WASF1: variants seen among roughly 807,000 people sequenced by gnomAD.
WASF1 encodes WASP family member 1.
WASF1 carries 7 observed loss-of-function variants against 50.5 expected under a neutral mutation model. The observed-to-expected ratio is 0.14, with a 90% confidence interval of 0.08 to 0.26. The LOEUF (loss-of-function observed/expected upper bound fraction) is 0.26. Ranked by LOEUF, WASF1 falls within the 10% of genes least tolerant of loss-of-function variation. WASF1 has a pLI of 1.00. For missense variants in WASF1, 470 were observed against 694.7 expected (o/e 0.68, Z 3.64); for synonymous variants, 205 against 244.0 (o/e 0.84, Z 1.49).
intron 9 of WASF1, among the ~76,000 whole-genome samples, chr6:110,102,804 T>G (rs1773153285): frequency 6.6e-6 from 1 of 152,018 alleles, no homozygotes; most frequent in South Asian, 2.1e-4. Flanking sequence ...TTCCCTAATA[T>G]TTCTCTATTA....
At chr6:110,159,204 G>C (rs1023618736) in intron 3 of WASF1, among the ~76,000 whole-genome samples, 1 of 151,852 alleles carries the variant, frequency 6.6e-6, no homozygotes, top group South Asian at 2.1e-4. Flanking sequence ...AGGCAAATTC[G>C]GTAGATGCAA....
In WASF1 at chr6:110,168,411, G is replaced by A. The variant is rs1461342723; in HGVS notation, c.-126-7679C>T. 2.0e-5 allele frequency among the ~76,000 whole-genome samples: 3 copies of A among 152,192 alleles called. No individual in the cohort carries two copies. In the South Asian group the frequency reaches 6.2e-4, roughly 32 times the overall value. ...CATTTCCTTCTGTGATAGTGAAAAT[G>A]GTGATTTTTATGATGTTAACACTAC... On this transcript the variant is annotated intron_variant, in intron 2 of 10. Transcript: ENST00000392589.
intron 7 of WASF1, among the ~76,000 whole-genome samples, chr6:110,105,922 G>A (rs1048781735): frequency 6.6e-5 from 10 of 152,162 alleles, no homozygotes; most frequent in Non-Finnish European, 2.9e-5. Flanking sequence ...AAATTTCTAC[G>A]ATGAATGGCA....
intron 3 of WASF1, among the ~76,000 whole-genome samples, chr6:110,143,374 T>C (rs1268344100): frequency 1.3e-5 from 2 of 151,968 alleles, no homozygotes; most frequent in African/African-American, 2.4e-5. Context: ...ACTGCTAATA[T>C]TGATAATATA....
Position 110,114,490 on chromosome 6 carries a change from G to A in WASF1, c.134-1030C>T, listed in dbSNP as rs1217774311. On this transcript the variant is annotated intron_variant, in intron 4 of 10. Transcript: ENST00000392589. Reference sequence around the variant, plus strand: ...GACACAAAAACCTTGTACTTTTTGCGAATACCTTTTAATCTTGTATCAAAA... The same window carrying A: ...GACACAAAAACCTTGTACTTTTTGCAAATACCTTTTAATCTTGTATCAAAA... Among the ~76,000 whole-genome samples the A allele has an allele frequency of 3.3e-5, 5 of 152,104 alleles. No individual in the cohort carries two copies. In the East Asian group the frequency reaches 9.6e-4, roughly 29 times the overall value.
intron 4 of WASF1, among the ~76,000 whole-genome samples, chr6:110,116,670 G>A (rs1583939893): frequency 6.6e-6 from 1 of 152,336 alleles, no homozygotes; most frequent in East Asian, 1.9e-4. Context: ...GAAGAGAGCA[G>A]TGGTTCTCTC....
intron 3 of WASF1, among the ~76,000 whole-genome samples, chr6:110,129,449 C>T (rs1376815480): frequency 3.9e-5 from 6 of 152,076 alleles, no homozygotes; most frequent in African/African-American, 9.7e-5. Flanking sequence ...AGGAACTTAG[C>T]GAAGGCAAAC....
intron 2 of WASF1, among the ~76,000 whole-genome samples, chr6:110,173,487 A>C (rs1427302085): frequency 1.3e-5 from 2 of 152,112 alleles, no homozygotes; most frequent in Non-Finnish European, 2.9e-5. Context: ...TCTGTGCTCA[A>C]ATTCCACCTC....
At chr6:110,152,146 C>T (rs1584008192) in intron 3 of WASF1, among the ~76,000 whole-genome samples, 1 of 152,168 alleles carries the variant, frequency 6.6e-6, no homozygotes, top group East Asian at 1.9e-4. Flanking sequence ...TATGGGTGGG[C>T]TTAACCTAAT....
intron 3 of WASF1, among the ~76,000 whole-genome samples, chr6:110,153,949 C>T (rs1401255047): frequency 6.6e-6 from 1 of 152,028 alleles, no homozygotes; most frequent in African/African-American, 2.4e-5. Flanking sequence ...TTAAATGTGA[C>T]AATAACATAC....
chr6:110,173,455 T>A lies in WASF1; in HGVS notation c.-127+5143A>T, dbSNP rs954583992. Among the ~76,000 whole-genome samples, 9 of 152,144 alleles carry A rather than the reference T, an allele frequency of 5.9e-5. No homozygotes were observed. The East Asian group carries it at 1.5e-3, about 26-fold the overall frequency. ...GCAGCATAAGGGAGTAGGAAAAAAA[T>A]GGGACTTTGAAATCACACATATCTG... On this transcript the variant is annotated intron_variant, in intron 2 of 10. Transcript: ENST00000392589.
intron 3 of WASF1, among the ~76,000 whole-genome samples, chr6:110,154,562 T>C (rs951933816): frequency 6.6e-6 from 1 of 152,046 alleles, no homozygotes; most frequent in Non-Finnish European, 1.5e-5. Flanking sequence ...GGCATAAAAA[T>C]TGTTGTTCCC....
At chr6:110,130,992 G>A (rs965419002) in intron 3 of WASF1, among the ~76,000 whole-genome samples, 6 of 152,046 alleles carry the variant, frequency 3.9e-5, no homozygotes, top group Non-Finnish European at 8.8e-5. Flanking sequence ...TTTCTCTTGG[G>A]AAGTGCCTGT....
At chr6:110,170,925 G>A (rs886497889) in intron 2 of WASF1, among the ~76,000 whole-genome samples, 4 of 152,136 alleles carry the variant, frequency 2.6e-5, no homozygotes, top group African/African-American at 9.6e-5. Flanking sequence ...GCACCTAACA[G>A]AGCATCAAAA....
chr6:110,166,307 C>T (rs1776475224), intron 2 of WASF1, among the ~76,000 whole-genome samples: 1 of 151,516 alleles, frequency 6.6e-6, no homozygotes, highest in Non-Finnish European at 1.5e-5. Context: ...TATTTCTGAA[C>T]TCTTTTACCC....
chr6:110,168,186 TA>T (rs897439520), intron 2 of WASF1, among the ~76,000 whole-genome samples: 6 of 152,050 alleles, frequency 3.9e-5, no homozygotes, highest in African/African-American at 1.4e-4. Context: ...TGAATTTAAT[TA>T]AAATTGTTGA....
At position 110,103,548 on chromosome 6, in the gene WASF1, T is replaced by C. The variant is rs1266663444; in HGVS notation, c.723A>G (p.Thr241=). 25 of 1,610,202 alleles carry C rather than the reference T, an allele frequency of 1.6e-5. No homozygotes were observed. The highest frequency in any genetic ancestry group is 2.0e-5 in the Non-Finnish European group (24 of 1,177,626). Residue 241 remains threonine (T), a synonymous_variant, in exon 9 of 11, where the codon ACA becomes ACG. Coordinates refer to ENST00000392589, the MANE Select transcript of WASF1 (RefSeq NM_003931.3). ...PASHFETRPQ[T]YVDHMDGSYS... The stretch of plus-strand genomic sequence containing the variant: ...AAGATCCATCCATATGATCCACGTA[T>C]GTCTGAGGTCTAAAAGAAATATATA...
At chr6:110,132,341 C>T (rs1774716536) in intron 3 of WASF1, among the ~76,000 whole-genome samples, 1 of 151,358 alleles carries the variant, frequency 6.6e-6, no homozygotes, top group African/African-American at 2.4e-5. Flanking sequence ...TTTTTCTTGC[C>T]TTACCACACT....
At chr6:110,173,730 C>T (rs1388537653) in intron 2 of WASF1, among the ~76,000 whole-genome samples, 2 of 152,174 alleles carry the variant, frequency 1.3e-5, no homozygotes, top group African/African-American at 4.8e-5. Context: ...TCTAGAAGCC[C>T]TGGCTTATCT....
Sources: gnomAD v4.1 joint callset for allele counts (sites outside exome capture counted in the v4.1 genomes callset) on GRCh38, gnomAD v4.1.1 for gene constraint, MANE v1.5 for transcripts, NCBI Gene and HGNC (gene_info 2026-07-23, HGNC 2026-07-21) for gene names.